The following RIN2 variants were observed in gnomAD, a reference collection of about 807,000 sequenced individuals.
RIN2 encodes RAB5 interacting protein 2.
Under a neutral mutation model 78.0 loss-of-function variants are expected in RIN2, and 36 were observed. The observed-to-expected ratio is 0.46, with a 90% confidence interval of 0.35 to 0.61. The LOEUF is 0.61. Ranked by LOEUF, RIN2 falls within the 20% of genes least tolerant of loss-of-function variation. The pLI is 0.00. For missense variants in RIN2, 1,087 were observed against 1,159.7 expected (o/e 0.94, Z 0.91); for synonymous variants, 466 against 466.8 (o/e 1.00, Z 0.02).
At chr20:19,955,732 C>T (rs911580498) in intron 4 of RIN2, among the ~76,000 whole-genome samples, 15 of 152,186 alleles carry the variant, frequency 9.9e-5, no homozygotes, top group African/African-American at 3.6e-4. Context: ...ACGAATAGCA[C>T]AGCATCACTC....
At chr20:19,965,636 A>C (rs1326028049) in intron 7 of RIN2, among the ~76,000 whole-genome samples, 2 of 152,138 alleles carry the variant, frequency 1.3e-5, no homozygotes, top group African/African-American at 2.4e-5. Context: ...TTTTGAGATG[A>C]AGTCTCACTC....
At chr20:19,914,623 C>T (rs1283372586) in intron 3 of RIN2, among the ~76,000 whole-genome samples, 1 of 152,150 alleles carries the variant, frequency 6.6e-6, no homozygotes, top group Non-Finnish European at 1.5e-5. Flanking sequence ...GATATACCGA[C>T]CTGGGAAAGA....
rs182599159 is a variant in RIN2, at chr20:19,769,987, A to G, written c.-163+11660A>G. 1.4e-3 allele frequency among the ~76,000 whole-genome samples: 210 copies of G among 152,374 alleles called. 1 individual carries two copies. The highest frequency in any genetic ancestry group is 3.1e-4 in the Non-Finnish European group (21 of 68,036). The stretch of plus-strand genomic sequence containing the variant: ...ATGAACAGCAGAAAAGGAAAAGCGA[A>G]TATTTTAGCTATAGTTTCCTATAAG... On this transcript the variant is annotated intron_variant, in intron 1 of 12. Transcript: ENST00000255006.
At chr20:19,872,451 A>G (rs949404664) in intron 2 of RIN2, among the ~76,000 whole-genome samples, 2 of 152,168 alleles carry the variant, frequency 1.3e-5, no homozygotes, top group Admixed American at 1.3e-4. Context: ...GATAAGATGC[A>G]TGTGCGATTG....
rs1432915970 is a variant in RIN2 at position 19,835,106 on chromosome 20, AAGAAAG to A, written c.-37+35362_-37+35367del. On this transcript the variant is annotated intron_variant, in intron 2 of 12. Coordinates refer to ENST00000255006, the MANE Select transcript of RIN2 (RefSeq NM_018993.4). ...GAAAGAGAAAAAGAAAGAAGAAAGAAAGAAAGAGGGAGGAAGGAAGAAAGGAAGGAA... is the reference window on the plus strand; with the variant it reads ...GAAAGAGAAAAAGAAAGAAGAAAGAAAGGGAGGAAGGAAGAAAGGAAGGAA... 2.1e-5 allele frequency among the ~76,000 whole-genome samples: 3 copies of A among 145,498 alleles called. No homozygotes were observed. In the East Asian group the frequency reaches 6.3e-4, roughly 30 times the overall value.
intron 3 of RIN2, among the ~76,000 whole-genome samples, chr20:19,921,287 G>C (rs1000991158): frequency 6.6e-6 from 1 of 152,166 alleles, no homozygotes; most frequent in African/African-American, 2.4e-5. Flanking sequence ...CAAGCACATT[G>C]GTGTTTTTGG....
chr20:19,831,594 A>G (rs1175764328), intron 2 of RIN2, among the ~76,000 whole-genome samples: 2 of 152,230 alleles, frequency 1.3e-5, no homozygotes, highest in East Asian at 3.9e-4. Context: ...AGATTGTTTT[A>G]TGAACTGATT....
intron 1 of RIN2, among the ~76,000 whole-genome samples, chr20:19,778,630 G>C (rs1239419304): frequency 2.0e-5 from 3 of 152,186 alleles, no homozygotes; most frequent in Non-Finnish European, 4.4e-5. Context: ...CCCAAACACG[G>C]GCTGATTCTT....
chr20:19,985,280 T>A (rs1228144771), intron 9 of RIN2, among the ~76,000 whole-genome samples: 1 of 152,178 alleles, frequency 6.6e-6, no homozygotes, highest in Admixed American at 6.5e-5. Context: ...GAGGAGTGAA[T>A]CAATTCTTGG....
At chr20:19,779,504 G>A (rs1392135151) in intron 1 of RIN2, among the ~76,000 whole-genome samples, 2 of 152,096 alleles carry the variant, frequency 1.3e-5, no homozygotes, top group South Asian at 2.1e-4. Context: ...AACTTGCTTA[G>A]GATCCCAAGA....
intron 9 of RIN2, among the ~76,000 whole-genome samples, chr20:19,985,206 A>G (rs2042586230): frequency 6.6e-6 from 1 of 152,236 alleles, no homozygotes; most frequent in Admixed American, 6.5e-5. Flanking sequence ...CAGCCTCTGG[A>G]ATCCATGCAG....
intron 2 of RIN2, chr20:19,823,388 C>CTT (rs879159405): frequency 9.5e-4 from 355 of 375,192 alleles, no homozygotes; most frequent in Middle Eastern, 3.6e-3. Flanking sequence ...GCTCTGCCTG[C>CTT]TTTTTTTTTT....
chr20:19,911,570 T>C (rs975613845), intron 3 of RIN2, among the ~76,000 whole-genome samples: 6 of 152,242 alleles, frequency 3.9e-5, no homozygotes, highest in African/African-American at 1.2e-4. Flanking sequence ...ATACACACAC[T>C]GATAACACTA....
intron 2 of RIN2, among the ~76,000 whole-genome samples, chr20:19,852,604 G>C (rs1038556537): frequency 2.0e-5 from 3 of 152,178 alleles, no homozygotes; most frequent in African/African-American, 7.2e-5. Context: ...ACCTGCCAAA[G>C]GGATAGTGGG....
rs10653532 is a variant in RIN2 at position 19,966,906 on chromosome 20, GACAC to G, written c.536+1902_536+1905del. ...TGGTGCAGAAGCACAGCCCCCAACA[GACAC>G]ACACACACACACACACACATATATA... On this transcript the variant is annotated intron_variant, in intron 7 of 12. Transcript: ENST00000255006. Among the ~76,000 whole-genome samples, 34 of 150,316 alleles carry G rather than the reference GACAC, an allele frequency of 2.3e-4. No homozygotes were observed. The East Asian group carries it at 5.1e-3, about 23-fold the overall frequency.
intron 2 of RIN2, among the ~76,000 whole-genome samples, chr20:19,859,421 A>G (rs188357295): frequency 3.9e-5 from 6 of 152,264 alleles, no homozygotes; most frequent in African/African-American, 1.4e-4. Flanking sequence ...AGGGTCAAAT[A>G]GGATACTGTG....
At chr20:19,899,979 G>A (rs1277692416) in intron 3 of RIN2, among the ~76,000 whole-genome samples, 1 of 152,162 alleles carries the variant, frequency 6.6e-6, no homozygotes, top group East Asian at 1.9e-4. Flanking sequence ...GGGCCAAACA[G>A]AAATAAAATG....
chr20:19,858,917 A>C (rs1209051440), intron 2 of RIN2, among the ~76,000 whole-genome samples: 2 of 152,206 alleles, frequency 1.3e-5, no homozygotes, highest in African/African-American at 4.8e-5. Context: ...CGGGACATGC[A>C]GGGAGAAGGC....
At chr20:19,942,233 A>G (rs561111385) in intron 4 of RIN2, among the ~76,000 whole-genome samples, 117 of 152,336 alleles carry the variant, frequency 7.7e-4, no homozygotes, top group African/African-American at 2.7e-3. Flanking sequence ...AGTGAGTATC[A>G]TGTAACGAAA....
Sources: gnomAD v4.1 joint callset for allele counts (sites outside exome capture counted in the v4.1 genomes callset) on GRCh38, gnomAD v4.1.1 for gene constraint, MANE v1.5 for transcripts, NCBI Gene and HGNC (gene_info 2026-07-23, HGNC 2026-07-21) for gene names.